RBMS2: variants seen among roughly 807,000 people sequenced by gnomAD.
The protein encoded by RBMS2 is RNA-binding motif, single-stranded-interacting protein 2.
RBMS2 carries 38 observed loss-of-function variants against 58.4 expected under a neutral mutation model. That is an observed-to-expected ratio of 0.65 (90% CI 0.50 to 0.85). The LOEUF is 0.85. RBMS2 is among the 40% of genes least tolerant of loss of function. The pLI, the probability that RBMS2 is intolerant of heterozygous loss-of-function variation, is 0.00. For synonymous variants in RBMS2, 151 were observed against 180.7 expected (o/e 0.84, Z 1.32); for missense variants, 367 against 503.7 (o/e 0.73, Z 2.60).
Position 56,571,684 on chromosome 12 carries a change from T to C in RBMS2, c.385-14T>C. On this transcript the variant is annotated splice_polypyrimidine_tract_variant and intron_variant, in intron 4 of 13. Coordinates refer to ENST00000262031, the MANE Select transcript of RBMS2 (RefSeq NM_002898.4). ...AGAGATGTGAGCCTCATTTTCTCACTGTTATTTCCACAGCAACAGGAACAG... is the reference window on the plus strand; with the variant it reads ...AGAGATGTGAGCCTCATTTTCTCACCGTTATTTCCACAGCAACAGGAACAG... The C allele has an allele frequency of 6.6e-7, 1 of 1,516,858 alleles. No individual in the cohort carries two copies. The highest frequency in any genetic ancestry group is 8.9e-7 in the Non-Finnish European group (1 of 1,126,906). 94.0% of individuals were successfully genotyped at this position (1,516,858 alleles called of 1,614,324 possible).
intron 1 of RBMS2, among the ~76,000 whole-genome samples, chr12:56,529,344 G>A (rs1195381546): frequency 6.6e-6 from 1 of 152,144 alleles, no homozygotes; most frequent in Non-Finnish European, 1.5e-5. Context: ...CTGGAGCCCA[G>A]GAGCTCTAGA....
intron 1 of RBMS2, among the ~76,000 whole-genome samples, chr12:56,541,205 T>G (rs1407489821): frequency 6.6e-6 from 1 of 152,132 alleles, no homozygotes; most frequent in African/African-American, 2.4e-5. Flanking sequence ...GAAAAATACT[T>G]TTTAAAAAAT....
In RBMS2 at chr12:56,591,035, A is replaced by G; in HGVS notation, c.*1902A>G. 1 of 152,318 alleles carries G rather than the reference A, an allele frequency of 6.6e-6. No homozygotes were observed. 9.4% of individuals were successfully genotyped at this position (152,318 alleles called of 1,614,324 possible). A position where few individuals can be genotyped will look rare whatever the true frequency, so the allele number is the denominator to read the frequency against. On this transcript the variant is annotated 3_prime_UTR_variant, in exon 14 of 14. Coordinates refer to ENST00000262031, the MANE Select transcript of RBMS2 (RefSeq NM_002898.4). ...GCAAGATGTGACTCTATACACATGG[A>G]GACAGATTGAAGAAAGACTTCACCC...
intron 11 of RBMS2, 78 bp from the exon 12 acceptor site, chr12:56,588,216 T>A (rs954704682): frequency 9.0e-7 from 1 of 1,105,980 alleles, no homozygotes; most frequent in African/African-American, 1.6e-5. Flanking sequence ...GGTGTCAGTA[T>A]TTTTTTTAAA....
rs189118437 is a variant in RBMS2 at position 56,567,783 on chromosome 12, T to C, written c.234-1192T>C. 1.8e-3 allele frequency among the ~76,000 whole-genome samples: 264 copies of C among 150,566 alleles called. 1 individual carries two copies. The highest frequency in any genetic ancestry group is 6.3e-3 in the African/African-American group (258 of 41,016). Reference sequence around the variant, plus strand: ...GAGTTCGAGGCTGCAGTGAGCCATGTTCACACCACTGCACTCCAGCCTGGG... The same window carrying C: ...GAGTTCGAGGCTGCAGTGAGCCATGCTCACACCACTGCACTCCAGCCTGGG... On this transcript the variant is annotated intron_variant, in intron 2 of 13. Transcript: ENST00000262031.
chr12:56,562,727 T>A, intron 2 of RBMS2, 144 bp downstream of exon 2: 1 of 922,816 alleles, frequency 1.1e-6, no homozygotes, highest in Non-Finnish European at 1.7e-6. Context: ...TACAGATGCA[T>A]GCCACCACTC....
chr12:56,528,118 G>A (rs1322650624), intron 1 of RBMS2, among the ~76,000 whole-genome samples: 1 of 151,966 alleles, frequency 6.6e-6, no homozygotes, highest in Non-Finnish European at 1.5e-5. Flanking sequence ...ATATGGTGGT[G>A]TGTGCCTGTC....
chr12:56,535,099 C>A (rs1164091333), intron 1 of RBMS2, among the ~76,000 whole-genome samples: 2 of 152,110 alleles, frequency 1.3e-5, no homozygotes, highest in Non-Finnish European at 2.9e-5. Flanking sequence ...TTTCTGGTTC[C>A]TTTCCTGGTT....
At chr12:56,550,799 G>A (rs375569902) in intron 1 of RBMS2, among the ~76,000 whole-genome samples, 2 of 150,442 alleles carry the variant, frequency 1.3e-5, no homozygotes, top group East Asian at 3.9e-4. Context: ...CCGAGATTGC[G>A]CCATCGCACC....
chr12:56,582,910 T>C (rs1183203122), intron 9 of RBMS2, among the ~76,000 whole-genome samples: 1 of 152,046 alleles, frequency 6.6e-6, no homozygotes, highest in Non-Finnish European at 1.5e-5. Flanking sequence ...CCTCAGGTGA[T>C]CCGCCCGCCT....
intron 1 of RBMS2, among the ~76,000 whole-genome samples, chr12:56,524,837 A>G (rs1243203729): frequency 6.6e-6 from 1 of 151,714 alleles, no homozygotes; most frequent in Non-Finnish European, 1.5e-5. Flanking sequence ...CTCCTGCCTC[A>G]GCTTTCTGAC....
chr12:56,552,133 AG>A (rs1878382020), intron 1 of RBMS2, among the ~76,000 whole-genome samples: 1 of 152,224 alleles, frequency 6.6e-6, no homozygotes, highest in African/African-American at 2.4e-5. Context: ...ATTAACTAAA[AG>A]CTAATGTATT....
At chr12:56,587,777 C>T (rs1362906089) in intron 11 of RBMS2, 113 bp downstream of exon 11, 34 of 1,377,520 alleles carry the variant, frequency 2.5e-5, no homozygotes, top group Middle Eastern at 1.8e-4. Context: ...CAGTGTCATC[C>T]GGGGCACACT....
chr12:56,559,013 G>C (rs949231118), intron 1 of RBMS2, among the ~76,000 whole-genome samples: 1 of 152,076 alleles, frequency 6.6e-6, no homozygotes, highest in Non-Finnish European at 1.5e-5. Flanking sequence ...TTACAGGCTT[G>C]AGCTACCGCG....
chr12:56,543,794 A>C (rs780931590), intron 1 of RBMS2, among the ~76,000 whole-genome samples: 1 of 151,580 alleles, frequency 6.6e-6, no homozygotes, highest in African/African-American at 2.4e-5. Flanking sequence ...CAGACTCTCA[A>C]ATAGCTGGGA....
At chr12:56,541,106 A>G (rs1876010397) in intron 1 of RBMS2, among the ~76,000 whole-genome samples, 1 of 151,880 alleles carries the variant, frequency 6.6e-6, no homozygotes, top group Admixed American at 6.6e-5. Context: ...GACTCAAAAA[A>G]AAAAAAAAAC....
At position 56,522,053 on chromosome 12, in the gene RBMS2, G is replaced by A. The variant is rs746534993; in HGVS notation, c.30G>A (p.Gly10=). 2.5e-6 allele frequency: 4 copies of A among 1,599,648 alleles called. No individual in the cohort carries two copies. The highest frequency in any genetic ancestry group is 2.7e-5 in the African/African-American group (2 of 74,068). Residue 10 remains glycine, a synonymous_variant, in exon 1 of 14, where the codon GGG becomes GGA. Coordinates refer to ENST00000262031, the MANE Select transcript of RBMS2 (RefSeq NM_002898.4). MLLSVTSRP[G]ISTFGYNRNN... Reference sequence around the variant, plus strand: ...TGCTATCCGTGACTTCCAGGCCCGGGATTTCGACTTTTGGCTACAATAGAA... The same window carrying A: ...TGCTATCCGTGACTTCCAGGCCCGGAATTTCGACTTTTGGCTACAATAGAA...
intron 1 of RBMS2, among the ~76,000 whole-genome samples, chr12:56,529,478 T>G (rs1482058631): frequency 6.6e-6 from 1 of 152,032 alleles, no homozygotes; most frequent in Non-Finnish European, 1.5e-5. Flanking sequence ...GTGGTAGGAT[T>G]GCTTGAGGCT....
At chr12:56,543,726 A>G (rs537586996) in intron 1 of RBMS2, among the ~76,000 whole-genome samples, 24 of 151,126 alleles carry the variant, frequency 1.6e-4, no homozygotes, top group African/African-American at 5.3e-4. Flanking sequence ...CGGTGGTGCA[A>G]TCTTGATCTC....
Sources: gnomAD v4.1 joint callset for allele counts (sites outside exome capture counted in the v4.1 genomes callset) on GRCh38, gnomAD v4.1.1 for gene constraint, MANE v1.5 for transcripts, NCBI Gene and HGNC (gene_info 2026-07-23, HGNC 2026-07-21) for gene names.